Variants in NEGR1 observed in about 807,000 individuals in gnomAD.
NEGR1 encodes neuronal growth regulator 1.
Under a neutral mutation model 40.9 loss-of-function variants are expected in NEGR1, and 10 were observed. The ratio of observed to expected loss-of-function variants is 0.24; its 90% confidence interval spans 0.15 to 0.42. The LOEUF (loss-of-function observed/expected upper bound fraction) is 0.42. Among genes scored for constraint, NEGR1 ranks in the 10% least tolerant of loss-of-function variants. NEGR1 has a pLI of 1.00. For synonymous variants in NEGR1, 185 were observed against 166.8 expected, an observed-to-expected ratio of 1.11 and a Z score of -0.84; for missense variants, 352 against 438.9, an observed-to-expected ratio of 0.80 and a Z score of 1.77.
chr1:71,776,374 TATC>T, intron 2 of NEGR1, 77 bp from the exon 3 acceptor site: 3 of 863,384 alleles, frequency 3.5e-6, no homozygotes, highest in South Asian at 2.3e-5. Context: ...AATTCCATAA[TATC>T]ATGCAAGAAA....
At chr1:72,203,386 G>A (rs1653283479) in intron 1 of NEGR1, among the ~76,000 whole-genome samples, 4 of 152,010 alleles carry the variant, frequency 2.6e-5, no homozygotes, top group Admixed American at 2.6e-4. Flanking sequence ...CAGAAGTGGT[G>A]GAAATCACAA....
intron 2 of NEGR1, among the ~76,000 whole-genome samples, chr1:71,835,928 G>A (rs1452344810): frequency 2.0e-5 from 3 of 152,070 alleles, no homozygotes; most frequent in Non-Finnish European, 4.4e-5. Context: ...GTATGTGTGT[G>A]TGTGCACATA....
chr1:72,221,230 T>C (rs1654002725), intron 1 of NEGR1, among the ~76,000 whole-genome samples: 1 of 152,114 alleles, frequency 6.6e-6, no homozygotes, highest in Non-Finnish European at 1.5e-5. Context: ...ATTTCTCTTT[T>C]AAGGATTCTA....
chr1:72,122,936 G>C (rs1649857558), intron 1 of NEGR1, among the ~76,000 whole-genome samples: 1 of 151,828 alleles, frequency 6.6e-6, no homozygotes, highest in African/African-American at 2.4e-5. Flanking sequence ...CACCATGTAG[G>C]TTCTAGACAT....
At chr1:71,772,128 C>T (rs550680878) in intron 3 of NEGR1, among the ~76,000 whole-genome samples, 1 of 152,196 alleles carries the variant, frequency 6.6e-6, no homozygotes, top group East Asian at 1.9e-4. Context: ...GATACAACTT[C>T]ACTTACTTCC....
At position 72,028,880 on chromosome 1, in the gene NEGR1, T is replaced by C. The variant is rs141669532; in HGVS notation, c.177-93569A>G. Among the ~76,000 whole-genome samples the C allele has an allele frequency of 6.1e-3, 922 of 152,328 alleles. 6 individuals are homozygous for C. Among genetic ancestry groups the C allele is most frequent in the Non-Finnish European group, 8.6e-3 (585 of 68,026 alleles). On this transcript the variant is annotated intron_variant, in intron 1 of 6. Coordinates refer to ENST00000357731, the MANE Select transcript of NEGR1 (RefSeq NM_173808.3). ...AAGAGCTCTTCGAAGGTAAGAACCA[T>C]GTCTTATATCCCTAACTCAGGGCTT... is the stretch of plus-strand genomic sequence containing the variant.
intron 3 of NEGR1, among the ~76,000 whole-genome samples, chr1:71,768,632 C>T (rs1325313816): frequency 6.6e-6 from 1 of 152,084 alleles, no homozygotes; most frequent in African/African-American, 2.4e-5. Flanking sequence ...AAGGTTAAGA[C>T]TCTGGGGGAC....
intron 6 of NEGR1, among the ~76,000 whole-genome samples, chr1:71,466,426 T>C (rs1376663411): frequency 1.3e-5 from 2 of 152,190 alleles, no homozygotes; most frequent in African/African-American, 2.4e-5. Context: ...TTGAAATGTA[T>C]GTGCTAGTGG....
chr1:71,813,638 A>T (rs1489309331), intron 2 of NEGR1, among the ~76,000 whole-genome samples: 1 of 152,044 alleles, frequency 6.6e-6, no homozygotes, highest in African/African-American at 2.4e-5. Context: ...CTCCTTGCAG[A>T]GGTCCTTCAC....
intron 1 of NEGR1, among the ~76,000 whole-genome samples, chr1:72,193,653 T>C (rs932344686): frequency 6.2e-5 from 7 of 112,106 alleles, no homozygotes; most frequent in African/African-American, 1.2e-4. Context: ...ATAAGAAATA[T>C]ATATATTTTT....
chr1:71,541,059 C>T (rs570669128), intron 6 of NEGR1, among the ~76,000 whole-genome samples: 4 of 151,636 alleles, frequency 2.6e-5, no homozygotes, highest in South Asian at 2.1e-4. Context: ...CACCTCCACC[C>T]GGCCCCACCT....
In NEGR1 at chr1:71,734,619, AATCT is replaced by A. The variant is rs1328594227; in HGVS notation, c.536-36484_536-36481del. On this transcript the variant is annotated intron_variant, in intron 3 of 6. Coordinates refer to ENST00000357731, the MANE Select transcript of NEGR1 (RefSeq NM_173808.3). ...GCTGATTTAACTATGCTTCTAACAC[AATCT>A]ATCACCCCATCTTTCTTTTTCTCCT... is the stretch of plus-strand genomic sequence containing the variant. Among the ~76,000 whole-genome samples the A allele has an allele frequency of 2.0e-5, 3 of 152,166 alleles. No individual in the cohort carries two copies. The East Asian group carries it at 5.8e-4, about 30-fold the overall frequency.
chr1:72,019,938 CT>C, intron 1 of NEGR1, among the ~76,000 whole-genome samples: 1 of 152,272 alleles, frequency 6.6e-6, no homozygotes, highest in African/African-American at 2.4e-5. Context: ...TTCACATATT[CT>C]AGTTATAGTG....
At chr1:72,070,788 T>G (rs1445381449) in intron 1 of NEGR1, among the ~76,000 whole-genome samples, 1 of 152,024 alleles carries the variant, frequency 6.6e-6, no homozygotes, top group African/African-American at 2.4e-5. Flanking sequence ...CTAACTATAT[T>G]AAACAAAAGT....
intron 2 of NEGR1, among the ~76,000 whole-genome samples, chr1:71,848,574 T>C (rs964445121): frequency 1.3e-5 from 2 of 152,212 alleles, no homozygotes; most frequent in South Asian, 4.1e-4. Context: ...GTTTACAGTA[T>C]GGTTTACTAA....
At chr1:72,039,367 G>T (rs1646932233) in intron 1 of NEGR1, among the ~76,000 whole-genome samples, 1 of 151,946 alleles carries the variant, frequency 6.6e-6, no homozygotes, top group Non-Finnish European at 1.5e-5. Context: ...TAGATTCGTA[G>T]GTGTGGAGAT....
chr1:71,943,061 T>C (rs1645984720), intron 1 of NEGR1, among the ~76,000 whole-genome samples: 1 of 134,730 alleles, frequency 7.4e-6, no homozygotes, highest in Non-Finnish European at 1.6e-5. Flanking sequence ...TATATATGTG[T>C]GTGTATATAT....
intron 1 of NEGR1, among the ~76,000 whole-genome samples, chr1:72,058,951 G>A (rs886066319): frequency 1.3e-5 from 2 of 151,484 alleles, no homozygotes; most frequent in African/African-American, 4.8e-5. Flanking sequence ...TTCTATTGTG[G>A]GGATTGTAAA....
chr1:72,115,031 C>A (rs1366407295), intron 1 of NEGR1, among the ~76,000 whole-genome samples: 1 of 151,554 alleles, frequency 6.6e-6, no homozygotes, highest in Non-Finnish European at 1.5e-5. Context: ...GCTTTCTAAA[C>A]CTGGAAGCTG....
Sources: gnomAD v4.1 joint callset for allele counts (sites outside exome capture counted in the v4.1 genomes callset) on GRCh38, gnomAD v4.1.1 for gene constraint, MANE v1.5 for transcripts, NCBI Gene and HGNC (gene_info 2026-07-23, HGNC 2026-07-21) for gene names.